The following FNDC3B variants were observed in gnomAD, a reference collection of about 807,000 sequenced individuals.
FNDC3B encodes fibronectin type III domain containing 3B.
FNDC3B carries 12 observed loss-of-function variants against 151.5 expected under a neutral mutation model. That is an observed-to-expected ratio of 0.08 (90% confidence interval 0.05 to 0.13). The LOEUF (loss-of-function observed/expected upper bound fraction) is 0.13. Among genes scored for constraint, FNDC3B ranks in the 10% least tolerant of loss-of-function variants. The probability of loss-of-function intolerance (pLI) is 1.00; values close to 1 mark genes in which losing one functional copy is unlikely to be tolerated. For missense variants in FNDC3B, 1,214 were observed against 1,505.3 expected (o/e 0.81, Z 3.20); for synonymous variants, 528 against 549.0 (o/e 0.96, Z 0.54).
chr3:172,353,511 A>G lies in FNDC3B; in HGVS notation c.2795+428A>G, dbSNP rs1185405232. On this transcript the variant is annotated intron_variant, in intron 22 of 25. Transcript: ENST00000415807. ...CATTGGAGATACGTTGACTTTTATT[A>G]AACAACCTATAGTTGTTTAATGACT... 7.9e-5 allele frequency among the ~76,000 whole-genome samples: 12 copies of G among 152,264 alleles called. 1 individual carries two copies.
In FNDC3B at chr3:172,177,626, C is replaced by CTT. The variant is rs10684671; in HGVS notation, c.187+44100_187+44101dup. Among the ~76,000 whole-genome samples the CTT allele has an allele frequency of 1.3e-3, 112 of 84,834 alleles. 5 individuals carry two copies. Among genetic ancestry groups the CTT allele is most frequent in the South Asian group, 4.0e-3 (9 of 2,264 alleles). The allele number at this position is 84,834 out of a possible 152,430, so 55.7% of individuals were successfully genotyped here. On this transcript the variant is annotated intron_variant, in intron 3 of 25. Transcript: ENST00000415807. ...AGGAAGGAATCATTTTTACCACCATCTTTTTTTTTTTTTTTTTTTTTGCAC... is the reference window on the plus strand; with the variant it reads ...AGGAAGGAATCATTTTTACCACCATCTTTTTTTTTTTTTTTTTTTTTTTGCAC...
At chr3:172,219,686 T>A (rs1403808796) in intron 3 of FNDC3B, among the ~76,000 whole-genome samples, 3 of 152,208 alleles carry the variant, frequency 2.0e-5, no homozygotes, top group South Asian at 4.1e-4. Context: ...GTAGATTTAT[T>A]TATTCTGAAT....
At chr3:172,198,342 A>G (rs1451873852) in intron 3 of FNDC3B, among the ~76,000 whole-genome samples, 1 of 152,158 alleles carries the variant, frequency 6.6e-6, no homozygotes, top group African/African-American at 2.4e-5. Flanking sequence ...GCTGGAGAAT[A>G]CTTGAATGTA....
At chr3:172,116,222 A>T (rs945981586) in intron 2 of FNDC3B, among the ~76,000 whole-genome samples, 2 of 152,218 alleles carry the variant, frequency 1.3e-5, no homozygotes, top group African/African-American at 4.8e-5. Flanking sequence ...AAACAATGTG[A>T]ACAGAAGCAG....
chr3:172,049,368 G>A (rs1464972648), intron 1 of FNDC3B, among the ~76,000 whole-genome samples: 1 of 152,014 alleles, frequency 6.6e-6, no homozygotes, highest in Admixed American at 6.6e-5. Context: ...GGGAAAAAAG[G>A]GCATTTTAAT....
rs866174407 is a variant in FNDC3B at position 172,328,988 on chromosome 3, G to A, written c.1291G>A (p.Gly431Arg). Residue 431 changes from glycine (G) to arginine (R), a missense_variant, in exon 12 of 26, where the codon GGG becomes AGG. By Grantham distance (125) the Gly-to-Arg change is moderately radical. This residue lies in a region of FNDC3B where 156 missense variants were observed against 225.3 expected (regional missense o/e 0.69). Coordinates refer to ENST00000415807, the MANE Select transcript of FNDC3B (RefSeq NM_022763.4). ...RNSGFRQCFF[G>R]SQKHCKLTKL... ...TAGTGGTTTCAGACAGTGCTTCTTC[G>A]GGAGCCAGAAGCACTGCAAGTTGAC... 3 of 1,612,808 alleles carry A rather than the reference G, an allele frequency of 1.9e-6. No homozygotes were observed. The highest frequency in any genetic ancestry group is 2.5e-6 in the Non-Finnish European group (3 of 1,179,256).
At chr3:172,189,901 T>C (rs976103784) in intron 3 of FNDC3B, among the ~76,000 whole-genome samples, 4 of 152,022 alleles carry the variant, frequency 2.6e-5, no homozygotes, top group Non-Finnish European at 5.9e-5. Flanking sequence ...TTAATTGTGA[T>C]CTTTTATTAT....
intron 16 of FNDC3B, 71 bp downstream of exon 16, chr3:172,337,472 T>A (rs910083645): frequency 1.0e-6 from 1 of 978,712 alleles, no homozygotes; most frequent in African/African-American, 1.6e-5. Flanking sequence ...TAAATGTCTT[T>A]ATAGTAATAG....
chr3:172,181,407 A>AAAC (rs1723890329), intron 3 of FNDC3B, among the ~76,000 whole-genome samples: 1 of 144,936 alleles, frequency 6.9e-6, no homozygotes, highest in African/African-American at 2.5e-5. Context: ...AAAAAAAAAA[A>AAAC]AAAAAAACAA....
intron 1 of FNDC3B, among the ~76,000 whole-genome samples, chr3:172,068,237 A>G (rs1454013696): frequency 6.6e-6 from 1 of 152,194 alleles, no homozygotes; most frequent in East Asian, 1.9e-4. Context: ...CCCCAGGGTC[A>G]GAGCTGATGC....
intron 1 of FNDC3B, among the ~76,000 whole-genome samples, chr3:172,075,008 T>C (rs904308127): frequency 2.0e-5 from 3 of 152,242 alleles, no homozygotes; most frequent in African/African-American, 7.2e-5. Context: ...TTAGTACATT[T>C]GTACCTATGT....
intron 25 of FNDC3B, among the ~76,000 whole-genome samples, chr3:172,393,217 AC>A (rs1475639370): frequency 5.3e-5 from 8 of 152,182 alleles, no homozygotes; most frequent in African/African-American, 1.9e-4. Flanking sequence ...GCAAATAGAA[AC>A]CAAAAGAAAG....
At chr3:172,272,455 GACCAGAGATATCTGAGAGCTGAT>G (rs764656220) in intron 6 of FNDC3B, among the ~76,000 whole-genome samples, 1 of 152,124 alleles carries the variant, frequency 6.6e-6, no homozygotes, top group Non-Finnish European at 1.5e-5. Context: ...TCTGGTCAGT[GACCAGAGATATCTGAGAGCTGAT>G]GGGCTGTAGT....
chr3:172,268,078 C>T (rs1729014228), intron 6 of FNDC3B, among the ~76,000 whole-genome samples: 1 of 152,086 alleles, frequency 6.6e-6, no homozygotes, highest in Non-Finnish European at 1.5e-5. Context: ...TCTTTTTTCA[C>T]CCTTCAGTGG....
chr3:172,238,660 A>G (rs1270185935), intron 4 of FNDC3B, among the ~76,000 whole-genome samples: 1 of 152,084 alleles, frequency 6.6e-6, no homozygotes, highest in African/African-American at 2.4e-5. Flanking sequence ...TCAAATCTCT[A>G]CCCTACCTGA....
Position 172,337,521 on chromosome 3 carries a change from A to G in FNDC3B, c.1852+120A>G, listed in dbSNP as rs562022623. On this transcript the variant is annotated intron_variant, in intron 16 of 25. Coordinates refer to ENST00000415807, the MANE Select transcript of FNDC3B (RefSeq NM_022763.4). ...ATTCTAAAGATAGAATTATTATTAC[A>G]ATAAACAAACTTTAGTCACATATTG... The G allele has an allele frequency of 7.4e-4, 521 of 703,620 alleles. 6 individuals are homozygous for G. In the South Asian group the frequency reaches 9.1e-3, roughly 12 times the overall value. 43.6% of individuals were successfully genotyped at this position (703,620 alleles called of 1,614,324 possible). A position where few individuals can be genotyped will look rare whatever the true frequency, so the allele number is the denominator to read the frequency against.
intron 1 of FNDC3B, among the ~76,000 whole-genome samples, chr3:172,084,177 C>A (rs75471671): frequency 6.6e-6 from 1 of 151,900 alleles, no homozygotes. Context: ...GGCTGGGTGC[C>A]GTGGCTCACG....
At chr3:172,063,282 A>C (rs2108474944) in intron 1 of FNDC3B, among the ~76,000 whole-genome samples, 1 of 152,120 alleles carries the variant, frequency 6.6e-6, no homozygotes, top group African/African-American at 2.4e-5. Flanking sequence ...GAAAGTCCCT[A>C]CCTTTTCTTG....
At chr3:172,179,858 CAAAAAAA>C (rs60259015) in intron 3 of FNDC3B, among the ~76,000 whole-genome samples, 48 of 97,790 alleles carry the variant, frequency 4.9e-4, no homozygotes, top group African/African-American at 1.5e-3. Context: ...GCCCTGTCTC[CAAAAAAA>C]AAAAAAAAAA....
Sources: gnomAD v4.1 joint callset for allele counts (sites outside exome capture counted in the v4.1 genomes callset) on GRCh38, gnomAD v4.1.1 for gene constraint, gnomAD v4.1.1 regional missense constraint, MANE v1.5 for transcripts, NCBI Gene and HGNC (gene_info 2026-07-23, HGNC 2026-07-21) for gene names.